The following CCDC169 variants were observed in gnomAD, a reference collection of about 807,000 sequenced individuals.
The protein encoded by CCDC169 is coiled-coil domain-containing protein 169.
CCDC169 carries 30 observed loss-of-function variants against 36.0 expected under a neutral mutation model. The observed-to-expected ratio is 0.83, with a 90% CI of 0.62 to 1.13. The LOEUF is 1.13. Ranked by LOEUF, CCDC169 falls within the 50% of genes most tolerant of loss-of-function variation. The pLI is 0.00. For synonymous variants in CCDC169, 85 were observed against 81.5 expected (o/e 1.04, Z -0.23); for missense variants, 245 against 245.9 (o/e 1.00, Z 0.03).
intron 4 of CCDC169, among the ~76,000 whole-genome samples, chr13:36,275,162 C>T (rs964115079): frequency 1.3e-5 from 2 of 151,768 alleles, no homozygotes; most frequent in Admixed American, 6.6e-5. Flanking sequence ...CCACCGCGCT[C>T]GGCCTGCATA....
chr13:36,230,957 G>C lies in CCDC169; in HGVS notation c.*236C>G. On this transcript the variant is annotated 3_prime_UTR_variant, in exon 8 of 8. Transcript: ENST00000239859. ...GCAAGTGTAATGATGCCAGCCTTCA[G>C]ATTCCCTAGGATATTTTAAAACTCT... 1 of 1,223,278 alleles carries C rather than the reference G, an allele frequency of 8.2e-7. No individual in the cohort carries two copies. The highest frequency in any genetic ancestry group is 1.0e-6 in the Non-Finnish European group (1 of 980,374). 75.8% of individuals were successfully genotyped at this position (1,223,278 alleles called of 1,614,324 possible). A position where few individuals can be genotyped will look rare whatever the true frequency, so the allele number is the denominator to read the frequency against.
intron 7 of CCDC169, among the ~76,000 whole-genome samples, chr13:36,247,265 CAAG>C (rs1872621084): frequency 6.6e-6 from 1 of 152,182 alleles, no homozygotes; most frequent in Non-Finnish European, 1.5e-5. Flanking sequence ...GGGAGATACA[CAAG>C]AAGATAAATG....
At chr13:36,238,033 T>C (rs981476085) in intron 7 of CCDC169, among the ~76,000 whole-genome samples, 2 of 152,136 alleles carry the variant, frequency 1.3e-5, no homozygotes, top group Non-Finnish European at 2.9e-5. Context: ...GTCCCCATCA[T>C]TAAGGGACAC....
chr13:36,227,036 C>T (rs1237763764), downstream of CCDC169: 4 of 432,974 alleles, frequency 9.2e-6, no homozygotes, highest in Non-Finnish European at 1.6e-5. Flanking sequence ...GTGAAGTCAG[C>T]TCGAGGAGAG....
chr13:36,231,206 T>A lies in CCDC169; in HGVS notation c.632A>T (p.Glu211Val). 6.4e-7 allele frequency: 1 copy of A among 1,551,324 alleles called. No homozygotes were observed. Among genetic ancestry groups the A allele is most frequent in the Non-Finnish European group, 8.7e-7 (1 of 1,146,758 alleles). ...KKITRPNHLP[E>V]LHP is the part of the protein sequence containing the mutation. ...CCAGTTCTGGAATCATGGATGGAGT[T>A]CTGGAAGATGGTTTGGTCTTGTAAT... Residue 211 changes from glutamate (E) to valine (V), a missense_variant, in exon 8 of 8, where the codon GAA (glutamate) becomes GTA (valine). Coordinates refer to ENST00000239859, the MANE Select transcript of CCDC169 (RefSeq NM_001144981.3).
At chr13:36,249,816 C>T (rs1205959925) in intron 6 of CCDC169, among the ~76,000 whole-genome samples, 1 of 152,062 alleles carries the variant, frequency 6.6e-6, no homozygotes, top group African/African-American at 2.4e-5. Context: ...ACAGGAAGAA[C>T]AGGATAGTAA....
At chr13:36,228,367 G>A (rs748696800), downstream of CCDC169, among the ~76,000 whole-genome samples, 22 of 151,782 alleles carry the variant, frequency 1.4e-4, no homozygotes, top group Non-Finnish European at 2.4e-4. Flanking sequence ...TTTTAAAAAT[G>A]GTATGTCTTG....
chr13:36,249,098 A>G (rs1301189803), intron 6 of CCDC169, among the ~76,000 whole-genome samples: 1 of 152,204 alleles, frequency 6.6e-6, no homozygotes, highest in Non-Finnish European at 1.5e-5. Flanking sequence ...CTATCTTGAA[A>G]TTCCTCCAGG....
At chr13:36,263,488 A>G (rs976326291) in intron 4 of CCDC169, among the ~76,000 whole-genome samples, 1 of 152,312 alleles carries the variant, frequency 6.6e-6, no homozygotes, top group East Asian at 1.9e-4. Flanking sequence ...CTACTTCTCT[A>G]AACACTTTAT....
chr13:36,254,363 C>T (rs1346318433), intron 4 of CCDC169, among the ~76,000 whole-genome samples: 8 of 151,236 alleles, frequency 5.3e-5, no homozygotes, highest in Non-Finnish European at 1.5e-5. Context: ...GCAACCTCCG[C>T]CTCCCAGGTC....
At chr13:36,285,720 C>T (rs1007891673) in intron 2 of CCDC169, among the ~76,000 whole-genome samples, 3 of 152,044 alleles carry the variant, frequency 2.0e-5, no homozygotes, top group African/African-American at 4.8e-5. Context: ...CTTACAGAGT[C>T]CAATTAATAA....
Position 36,291,996 on chromosome 13 carries a change from T to A in CCDC169, c.163+3782A>T, listed in dbSNP as rs1056335121. On this transcript the variant is annotated intron_variant, in intron 2 of 7. Coordinates refer to ENST00000239859, the MANE Select transcript of CCDC169 (RefSeq NM_001144981.3). Reference sequence around the variant, plus strand: ...GTGTTGTCAATAAGTCTTCTTTTTTTTTTTTTTTTTGGATGGAGTCTCGTT... The same window carrying A: ...GTGTTGTCAATAAGTCTTCTTTTTTATTTTTTTTTTGGATGGAGTCTCGTT... 1.9e-3 allele frequency among the ~76,000 whole-genome samples: 284 copies of A among 151,726 alleles called. 2 individuals are homozygous for A. The highest frequency in any genetic ancestry group is 6.6e-3 in the African/African-American group (273 of 41,436).
At chr13:36,295,322 T>C (rs768423967) in intron 2 of CCDC169, among the ~76,000 whole-genome samples, 1 of 152,158 alleles carries the variant, frequency 6.6e-6, no homozygotes, top group African/African-American at 2.4e-5. Flanking sequence ...TTGCATACAT[T>C]ACAAATTTTA....
At chr13:36,248,523 A>G in intron 7 of CCDC169, 83 bp downstream of exon 7, 1 of 1,341,924 alleles carries the variant, frequency 7.5e-7, no homozygotes, top group Non-Finnish European at 1.0e-6. Flanking sequence ...TTCAGCTTCC[A>G]AAATATAGTG....
Position 36,231,240 on chromosome 13 carries a change from C to T in CCDC169, c.598G>A (p.Val200Ile), listed in dbSNP as rs1313190219. ...TGGTTTGGTCTTGTAATCTTTTTTA[C>T]TGGTCCTCTCTTGGCACTCACTGTC... ...QKTVSAKRGP[V>I]KKITRPNHLP... Residue 200 changes from valine (V) to isoleucine (I), a missense_variant, in exon 8 of 8, where the codon GTA (valine) becomes ATA (isoleucine). Val to Ile is a conservative substitution (Grantham distance 29, BLOSUM62 3). Coordinates refer to ENST00000239859, the MANE Select transcript of CCDC169 (RefSeq NM_001144981.3). The T allele has an allele frequency of 6.4e-7, 1 of 1,551,364 alleles. No homozygotes were observed. The highest frequency in any genetic ancestry group is 2.4e-5 in the East Asian group (1 of 40,884).
At chr13:36,285,239 AAATTT>A (rs1878026779) in intron 2 of CCDC169, among the ~76,000 whole-genome samples, 1 of 152,182 alleles carries the variant, frequency 6.6e-6, no homozygotes, top group Non-Finnish European at 1.5e-5. Flanking sequence ...GTCAATCATC[AAATTT>A]AATTATCAAA....
At chr13:36,290,371 T>G (rs1664094263) in intron 2 of CCDC169, among the ~76,000 whole-genome samples, 1 of 152,242 alleles carries the variant, frequency 6.6e-6, no homozygotes, top group Non-Finnish European at 1.5e-5. Flanking sequence ...ACTAAATAAT[T>G]TAAATGTTTA....
intron 7 of CCDC169, chr13:36,240,468 A>C: frequency 9.2e-6 from 3 of 327,614 alleles, no homozygotes; most frequent in Non-Finnish European, 1.6e-5. Flanking sequence ...TTATTGACTT[A>C]CTCTTTTAAT....
rs543597503 is a variant in CCDC169 at position 36,293,084 on chromosome 13, G to A, written c.163+2694C>T. ...TCATTACCTGAGAGTGTGATTGAGT[G>A]GAGAGGTGGTAGAGGTTTGAGAAGA... On this transcript the variant is annotated intron_variant, in intron 2 of 7. Transcript: ENST00000239859. Among the ~76,000 whole-genome samples, 23 of 149,124 alleles carry A rather than the reference G, an allele frequency of 1.5e-4. No individual in the cohort carries two copies. The South Asian group carries it at 4.6e-3, about 30-fold the overall frequency.
Sources: allele counts gnomAD v4.1 joint callset (sites outside exome capture counted in the v4.1 genomes callset), GRCh38; gene constraint gnomAD v4.1.1; transcripts MANE v1.5; gene names NCBI Gene and HGNC (gene_info 2026-07-23, HGNC 2026-07-21).